Variants in DDAH1 observed in about 807,000 individuals in gnomAD.
DDAH1 encodes N(G),N(G)-dimethylarginine dimethylaminohydrolase 1.
DDAH1 carries 19 observed loss-of-function variants against 28.8 expected under a neutral mutation model. That is an observed-to-expected ratio of 0.66 (90% CI 0.46 to 0.97). The LOEUF (loss-of-function observed/expected upper bound fraction) is 0.97, where lower values mean the gene tolerates loss of function less well. Among genes scored for constraint, DDAH1 ranks in the 50% least tolerant of loss-of-function variants. The probability of loss-of-function intolerance (pLI) is 0.00; values close to 1 mark genes in which losing one functional copy is unlikely to be tolerated. For synonymous variants in DDAH1, 153 were observed against 154.4 expected, an observed-to-expected ratio of 0.99 and a Z score of 0.07; for missense variants, 326 against 375.9, an observed-to-expected ratio of 0.87 and a Z score of 1.10.
At chr1:85,418,743 A>G (rs1269861512) in intron 1 of DDAH1, among the ~76,000 whole-genome samples, 3 of 152,170 alleles carry the variant, frequency 2.0e-5, no homozygotes, top group Non-Finnish European at 4.4e-5. Flanking sequence ...TTAACACAGT[A>G]CCCATATCCC....
intron 4 of DDAH1, among the ~76,000 whole-genome samples, chr1:85,344,555 TCTCCCTTCCCTCCCTTCATCCTTCC>T (rs1300953273): frequency 2.7e-5 from 4 of 145,878 alleles, no homozygotes; most frequent in African/African-American, 4.9e-5. Flanking sequence ...TCCCTCCCTC[TCTCCCTTCCCTCCCTTCATCCTTCC>T]CTCCCTTCCC....
At chr1:85,328,334 C>A (rs888879649) in intron 4 of DDAH1, among the ~76,000 whole-genome samples, 10 of 152,172 alleles carry the variant, frequency 6.6e-5, no homozygotes, top group Admixed American at 3.9e-4. Flanking sequence ...CAGGTTGTGA[C>A]CCCAATTTAG....
intron 4 of DDAH1, among the ~76,000 whole-genome samples, chr1:85,341,381 T>C (rs1386135733): frequency 6.6e-6 from 1 of 152,216 alleles, no homozygotes; most frequent in Non-Finnish European, 1.5e-5. Flanking sequence ...ATGTATGAAT[T>C]AGAAAATCAT....
At chr1:85,373,041 A>C (rs150485082) in intron 1 of DDAH1, among the ~76,000 whole-genome samples, 2 of 152,294 alleles carry the variant, frequency 1.3e-5, no homozygotes, top group Admixed American at 1.3e-4. Context: ...AACTAAATTT[A>C]ATATTACATA....
Position 85,321,265 on chromosome 1 carries a change from G to A in DDAH1, c.*187C>T. 1 of 553,422 alleles carries A rather than the reference G, an allele frequency of 1.8e-6. No individual in the cohort carries two copies. Among genetic ancestry groups the A allele is most frequent in the Non-Finnish European group, 3.2e-6 (1 of 308,974 alleles). The allele number at this position is 553,422 out of a possible 1,614,324, so 34.3% of individuals were successfully genotyped here. ...ATTCATTTAGCAAATCCACAGCTTA[G>A]GTACCACCTCGAGGGGAGGGAGGGT... On this transcript the variant is annotated 3_prime_UTR_variant, in exon 6 of 6. Transcript: ENST00000284031.
chr1:85,347,889 G>T (rs1442669571), intron 4 of DDAH1, among the ~76,000 whole-genome samples: 1 of 152,104 alleles, frequency 6.6e-6, no homozygotes, highest in Admixed American at 6.5e-5. Flanking sequence ...AACCCATTTC[G>T]AACCTGTGAC....
intron 2 of DDAH1, among the ~76,000 whole-genome samples, chr1:85,355,452 C>A (rs905799118): frequency 8.6e-5 from 13 of 151,996 alleles, no homozygotes; most frequent in African/African-American, 3.1e-4. Context: ...AAAATGTTAT[C>A]GAACTAAATT....
chr1:85,507,445 G>T (rs1657054211), intron 1 of DDAH1, among the ~76,000 whole-genome samples: 1 of 151,978 alleles, frequency 6.6e-6, no homozygotes, highest in South Asian at 2.1e-4. Context: ...TGAGGCTGGA[G>T]TGAGCCATGT....
intron 2 of DDAH1, among the ~76,000 whole-genome samples, chr1:85,490,083 A>G (rs1373473445): frequency 6.6e-6 from 1 of 152,160 alleles, no homozygotes; most frequent in African/African-American, 2.4e-5. Context: ...GAAAATGCAA[A>G]TAGAAGATGA....
intron 1 of DDAH1, among the ~76,000 whole-genome samples, chr1:85,525,567 T>TCACACACACACACACACACACACACA (rs3058870): frequency 0.012 from 1,722 of 148,992 alleles, 15 homozygotes; most frequent in African/African-American, 0.017. Flanking sequence ...AGAATGATAT[T>TCACACACACACACACACACACACACA]CACACACACA....
At chr1:85,433,801 A>C (rs1653812551) in intron 1 of DDAH1, among the ~76,000 whole-genome samples, 1 of 152,222 alleles carries the variant, frequency 6.6e-6, no homozygotes, top group Admixed American at 6.5e-5. Context: ...AGTAATACTA[A>C]GGAAACTTTA....
chr1:85,550,733 T>C (rs1658758365), intron 1 of DDAH1, among the ~76,000 whole-genome samples: 1 of 151,512 alleles, frequency 6.6e-6, no homozygotes, highest in African/African-American at 2.4e-5. Flanking sequence ...ATAACCCAAG[T>C]AAGTAATAAT....
At chr1:85,516,846 C>T (rs1374384066) in intron 1 of DDAH1, among the ~76,000 whole-genome samples, 2 of 152,032 alleles carry the variant, frequency 1.3e-5, no homozygotes, top group Non-Finnish European at 2.9e-5. Flanking sequence ...TTCTACACAA[C>T]TAAGTAGTTC....
At chr1:85,509,196 C>G (rs1321463627) in intron 1 of DDAH1, among the ~76,000 whole-genome samples, 1 of 152,202 alleles carries the variant, frequency 6.6e-6, no homozygotes. Flanking sequence ...GATACCCAGG[C>G]AAAGAGGGTC....
intron 1 of DDAH1, among the ~76,000 whole-genome samples, chr1:85,376,017 T>C (rs546831202): frequency 6.6e-6 from 1 of 152,300 alleles, no homozygotes; most frequent in African/African-American, 2.4e-5. Context: ...CTGCTATTCA[T>C]AGGAAGTGAG....
Position 85,448,549 on chromosome 1 carries a change from CG to C in DDAH1, c.303+16193del, listed in dbSNP as rs1368001085. On this transcript the variant is annotated intron_variant, in intron 1 of 5. Transcript: ENST00000284031. ...GATGAAAAACATCCACATAAATGAG[CG>C]GTGTCTTAATCTGAAGAAATGTGCT... Among the ~76,000 whole-genome samples, 5 of 152,226 alleles carry C rather than the reference CG, an allele frequency of 3.3e-5. No individual in the cohort carries two copies. In the East Asian group the frequency reaches 7.7e-4, roughly 24 times the overall value.
chr1:85,483,420 T>C (rs1331026222), intron 2 of DDAH1, among the ~76,000 whole-genome samples: 1 of 152,106 alleles, frequency 6.6e-6, no homozygotes, highest in Non-Finnish European at 1.5e-5. Context: ...TTCGTGAACT[T>C]CAAAACCTGA....
chr1:85,371,318 G>A (rs1650373845), intron 1 of DDAH1, among the ~76,000 whole-genome samples: 1 of 152,144 alleles, frequency 6.6e-6, no homozygotes, highest in Admixed American at 6.6e-5. Context: ...ATTCAGTTTT[G>A]TAGATGCTAT....
At chr1:85,547,558 G>C (rs1364766132) in intron 1 of DDAH1, among the ~76,000 whole-genome samples, 2 of 152,152 alleles carry the variant, frequency 1.3e-5, no homozygotes, top group African/African-American at 4.8e-5. Context: ...TTTTCAACCA[G>C]TACTGTCAGG....
Sources: gnomAD v4.1 joint callset for allele counts (sites outside exome capture counted in the v4.1 genomes callset) on GRCh38, gnomAD v4.1.1 for gene constraint, MANE v1.5 for transcripts, NCBI Gene and HGNC (gene_info 2026-07-23, HGNC 2026-07-21) for gene names.